The following CHD4 variants were observed in gnomAD, a reference collection of about 807,000 sequenced individuals.
CHD4 encodes the protein ATP-dependent chromatin remodeler CHD4.
CHD4 carries 35 observed loss-of-function variants against 235.5 expected under a neutral mutation model. That is an observed-to-expected ratio of 0.15 (90% confidence interval 0.11 to 0.20). The LOEUF is 0.20. Among genes scored for constraint, CHD4 ranks in the 10% least tolerant of loss-of-function variants. CHD4 has a pLI of 1.00. For missense variants in CHD4, 1,329 were observed against 2,432.3 expected, an observed-to-expected ratio of 0.55 and a Z score of 9.54; for synonymous variants, 900 against 850.2, an observed-to-expected ratio of 1.06 and a Z score of -1.02.
chr12:6,603,905 A>C (rs374651437), intron 2 of CHD4, among the ~76,000 whole-genome samples: 4 of 152,276 alleles, frequency 2.6e-5, no homozygotes, highest in African/African-American at 9.6e-5. Context: ...CAGCTTCCTC[A>C]CCACTCCCAC....
chr12:6,583,273 G>A lies in CHD4; in HGVS notation c.3985C>T (p.Leu1329=), dbSNP rs779378838. 1 of 1,614,198 alleles carries A rather than the reference G, an allele frequency of 6.2e-7. No individual in the cohort carries two copies. The highest frequency in any genetic ancestry group is 8.5e-7 in the Non-Finnish European group (1 of 1,180,038). The change falls in exon 26 of 40, where the codon CTA becomes TTA. Residue 1329 remains leucine (L), a synonymous_variant. Coordinates refer to ENST00000544040, the MANE Select transcript of CHD4 (RefSeq NM_001273.5). The part of the protein sequence containing the change: ...RHHYEQQQED[L]ARNLGKGKRI... ...TTTCCTTTGCCCAGATTTCGGGCTA[G>A]ATCTTCTTGCTGCTGCTCATAATGG...
chr12:6,606,292 G>C lies in CHD4; in HGVS notation c.82C>G (p.Leu28Val), dbSNP rs966361685. ...ATGTTACCTGGGTGGGGTGGGGGCA[G>C]GCTGTTGTTCAAAAGTGCATCCATA... is the stretch of plus-strand genomic sequence containing the variant. ...EDMDALLNNSLPPPHPENEED... is the reference protein window; with the variant it reads ...EDMDALLNNSVPPPHPENEED... The change falls in exon 2 of 40, where the codon CTG becomes GTG. Residue 28 changes from leucine to valine, a missense_variant. This residue lies in a region of CHD4 where 213 missense variants were observed against 177.5 expected (regional missense o/e 1.20). Coordinates refer to ENST00000544040, the MANE Select transcript of CHD4 (RefSeq NM_001273.5). 5 of 1,585,806 alleles carry C rather than the reference G, an allele frequency of 3.2e-6. No individual in the cohort carries two copies. The Admixed American group carries it at 8.9e-5, about 28-fold the overall frequency.
chr12:6,601,817 T>C (rs1948596314), intron 4 of CHD4, 51 bp from the exon 5 acceptor site: 1 of 1,577,426 alleles, frequency 6.3e-7, no homozygotes, highest in African/African-American at 1.4e-5. Flanking sequence ...TGCCCACACT[T>C]GCTAAGCAAA....
intron 30 of CHD4, 114 bp from the exon 31 acceptor site, chr12:6,581,928 G>C: frequency 7.6e-7 from 1 of 1,317,910 alleles, no homozygotes; most frequent in Non-Finnish European, 1.0e-6. Context: ...TCAGCCTTCT[G>C]AGTAGCTGGG....
rs2136220736 is a variant in CHD4 at position 6,597,893 on chromosome 12, C to T, written c.1892+1G>A. On this transcript the variant is annotated splice_donor_variant, in intron 12 of 39. Transcript: ENST00000544040. LOFTEE classifies it high-confidence loss of function. Reference sequence around the variant, plus strand: ...CCGTCTCCCGTGTGCTCAGCTGGTACCTGTGGTTGAGGATTCGGTGGATCA... The same window carrying T: ...CCGTCTCCCGTGTGCTCAGCTGGTATCTGTGGTTGAGGATTCGGTGGATCA... The T allele has an allele frequency of 6.2e-7, 1 of 1,614,090 alleles. No homozygotes were observed. Among genetic ancestry groups the T allele is most frequent in the Non-Finnish European group, 8.5e-7 (1 of 1,179,932 alleles).
At chr12:6,598,994 G>T (rs574389718) in intron 10 of CHD4, among the ~76,000 whole-genome samples, 1 of 152,176 alleles carries the variant, frequency 6.6e-6, no homozygotes. Flanking sequence ...CATCGTCCAG[G>T]ATTTGCGTGC....
At position 6,582,859 on chromosome 12, in the gene CHD4, C is replaced by T. The variant is rs1948220504; in HGVS notation, c.4225G>A (p.Gly1409Arg). The change falls in exon 28 of 40, where the codon GGG becomes AGG. Residue 1409 changes from glycine to arginine, a missense_variant. Physicochemically the swap from Gly to Arg is moderately radical, Grantham distance 125 (BLOSUM62 -2). Coordinates refer to ENST00000544040, the MANE Select transcript of CHD4 (RefSeq NM_001273.5). ...PLPPLLARVG[G>R]NIEVLGFNAR... ...CGTATGGCACTTACTTCAATATTCC[C>T]ACCAACACGGGCCAACAGAGGAGGC... 1 of 1,613,804 alleles carries T rather than the reference C, an allele frequency of 6.2e-7. No individual in the cohort carries two copies. Among genetic ancestry groups the T allele is most frequent in the South Asian group, 1.1e-5 (1 of 91,082 alleles).
Position 6,593,373 on chromosome 12 carries a change from G to A in CHD4, c.2514+43C>T. 2 of 1,607,142 alleles carry A rather than the reference G, an allele frequency of 1.2e-6. No homozygotes were observed. Among genetic ancestry groups the A allele is most frequent in the Non-Finnish European group, 1.7e-6 (2 of 1,174,500 alleles). ...CACAAGGAGGTAAACTAAGCCAGAAGCCACAACTCTTTCTCTAGGGTGGCT... is the reference window on the plus strand; with the variant it reads ...CACAAGGAGGTAAACTAAGCCAGAAACCACAACTCTTTCTCTAGGGTGGCT... On this transcript the variant is annotated intron_variant, in intron 16 of 39. Transcript: ENST00000544040. The surrounding 1 kb of genome is among the most constrained non-coding windows in gnomAD (Gnocchi z 4.9).
At chr12:6,601,572 AT>A in intron 5 of CHD4, 42 bp from the exon 6 acceptor site, 1 of 1,613,124 alleles carries the variant, frequency 6.2e-7, no homozygotes, top group Non-Finnish European at 8.5e-7. Flanking sequence ...AGGTTTAAGA[AT>A]AAAAAAAGAA....
chr12:6,593,052 C>T lies in CHD4; in HGVS notation c.2652+39G>A, dbSNP rs1236159715. On this transcript the variant is annotated intron_variant, in intron 17 of 39. Transcript: ENST00000544040. This position sits in a 1 kb window ranked among gnomAD's most constrained non-coding sequence, Gnocchi z 4.9. Reference sequence around the variant, plus strand: ...ATGAATTGGTAGTACTAGAAAAAACCCAAAGTGGGGGCTCCAACATCCCTC... The same window carrying T: ...ATGAATTGGTAGTACTAGAAAAAACTCAAAGTGGGGGCTCCAACATCCCTC... 3.7e-6 allele frequency: 6 copies of T among 1,607,850 alleles called. No homozygotes were observed. The African/African-American group carries it at 8.0e-5, about 22-fold the overall frequency.
rs537258289 is a variant in CHD4, at chr12:6,574,634, A to G, written c.5362-1365T>C. Reference sequence around the variant, plus strand: ...TGCTTCTCAAACATGTACCTTCAGCACTGGTTCTGATCCCACTAGTGTATG... The same window carrying G: ...TGCTTCTCAAACATGTACCTTCAGCGCTGGTTCTGATCCCACTAGTGTATG... On this transcript the variant is annotated intron_variant, in intron 37 of 39. Coordinates refer to ENST00000544040, the MANE Select transcript of CHD4 (RefSeq NM_001273.5). 2.6e-5 allele frequency among the ~76,000 whole-genome samples: 4 copies of G among 152,318 alleles called. No individual in the cohort carries two copies. The South Asian group carries it at 8.3e-4, about 32-fold the overall frequency.
rs191098168 is a variant in CHD4 at position 6,575,309 on chromosome 12, A to G, written c.5362-2040T>C. Among the ~76,000 whole-genome samples the G allele has an allele frequency of 2.6e-5, 4 of 152,188 alleles. 1 individual carries two copies. Among genetic ancestry groups the G allele is most frequent in the Admixed American group, 1.3e-4 (2 of 15,264 alleles). On this transcript the variant is annotated intron_variant, in intron 37 of 39. Coordinates refer to ENST00000544040, the MANE Select transcript of CHD4 (RefSeq NM_001273.5). ...CTAAAAATACAAAAATTAGTCAGGCATGGTGGTACATGCCTGTAATCCCAC... is the reference window on the plus strand; with the variant it reads ...CTAAAAATACAAAAATTAGTCAGGCGTGGTGGTACATGCCTGTAATCCCAC...
At chr12:6,582,802 T>C (rs147831032) in intron 28 of CHD4, 46 bp downstream of exon 28, 3 of 1,613,966 alleles carry the variant, frequency 1.9e-6, no homozygotes, top group Non-Finnish European at 2.5e-6. Flanking sequence ...CCACCAAAGA[T>C]GCAATATCTG....
intron 1 of CHD4, 103 bp from the exon 2 acceptor site, chr12:6,606,554 G>A: frequency 2.0e-6 from 1 of 498,606 alleles, no homozygotes; most frequent in Non-Finnish European, 3.5e-6. Context: ...AGCCACCCTA[G>A]CAGGGCACCC....
Position 6,577,893 on chromosome 12 carries a change from G to A in CHD4, c.5253C>T (p.Asp1751=). Residue 1751 remains aspartate, a synonymous_variant, in exon 37 of 40, where the codon GAC becomes GAT. Coordinates refer to ENST00000544040, the MANE Select transcript of CHD4 (RefSeq NM_001273.5). ...IINHGYARWQ[D]IQNDPRYAIL... ...TGGCATAGCGTGGGTCATTCTGGAT[G>A]TCTTGCCACCGGGCATAGCCATGGC... 5 of 1,614,192 alleles carry A rather than the reference G, an allele frequency of 3.1e-6. No individual in the cohort carries two copies. Among genetic ancestry groups the A allele is most frequent in the Non-Finnish European group, 3.4e-6 (4 of 1,180,046 alleles).
chr12:6,578,058 A>G lies in CHD4; in HGVS notation c.5199T>C (p.His1733=). The change falls in exon 36 of 40, where the codon CAT becomes CAC. Residue 1733 remains histidine (H), a synonymous_variant. Transcript: ENST00000544040. ...TAATGCCGGCTAGCAGCCAGTAGTC[A>G]TGCCGTCGATGCCAGATCTCATAAG... ...KKTYEIWHRR[H]DYWLLAGIIN... is the part of the protein sequence containing the mutation. 1 of 1,613,084 alleles carries G rather than the reference A, an allele frequency of 6.2e-7. No homozygotes were observed. The highest frequency in any genetic ancestry group is 2.2e-5 in the East Asian group (1 of 44,886).
intron 22 of CHD4, 77 bp downstream of exon 22, chr12:6,591,389 G>C: frequency 9.1e-7 from 1 of 1,100,822 alleles, no homozygotes; most frequent in Non-Finnish European, 1.3e-6. Flanking sequence ...CACAGAAAAG[G>C]AGATGCACAA....
At chr12:6,592,936 T>C in intron 17 of CHD4, 119 bp from the exon 18 acceptor site, 2 of 1,511,276 alleles carry the variant, frequency 1.3e-6, no homozygotes, top group East Asian at 2.3e-5. Flanking sequence ...ACATTCTTTT[T>C]AAAGGCCTGG....
At chr12:6,580,275 T>TA (rs1388022533) in intron 33 of CHD4, 1 of 151,988 alleles carries the variant, frequency 6.6e-6, no homozygotes, top group African/African-American at 2.4e-5. Flanking sequence ...TCATAAGAGA[T>TA]ACCTTAAGTT....
Sources: gnomAD v4.1 joint callset for allele counts (sites outside exome capture counted in the v4.1 genomes callset) on GRCh38, gnomAD v4.1.1 for gene constraint, gnomAD v4.1.1 regional missense constraint, Gnocchi (gnomAD v3.1) non-coding constraint, MANE v1.5 for transcripts, NCBI Gene and HGNC (gene_info 2026-07-23, HGNC 2026-07-21) for gene names.